TUT4: variants seen among roughly 807,000 people sequenced by gnomAD.
TUT4 encodes terminal uridylyltransferase 4.
In TUT4, 36 loss-of-function variants were observed where a neutral mutation model predicts 192.2. The ratio of observed to expected loss-of-function variants is 0.19; its 90% confidence interval spans 0.14 to 0.25. The LOEUF is 0.25. Ranked by LOEUF, TUT4 falls within the 10% of genes least tolerant of loss-of-function variation. The pLI, the probability that TUT4 is intolerant of heterozygous loss-of-function variation, is 1.00. For missense variants in TUT4, 1,493 were observed against 1,957.2 expected, an observed-to-expected ratio of 0.76 and a Z score of 4.47; for synonymous variants, 618 against 666.0, an observed-to-expected ratio of 0.93 and a Z score of 1.11.
At chr1:52,525,476 A>C (rs1428760483) in intron 2 of TUT4, 87 bp downstream of exon 2, 2 of 1,482,782 alleles carry the variant, frequency 1.3e-6, no homozygotes, top group African/African-American at 2.8e-5. Context: ...ATTATGTATA[A>C]ACATGACTTT....
chr1:52,452,777 G>A (rs1274417843), intron 20 of TUT4, among the ~76,000 whole-genome samples: 1 of 151,098 alleles, frequency 6.6e-6, no homozygotes, highest in Non-Finnish European at 1.5e-5. Flanking sequence ...GTAAATGGTT[G>A]AGTTCTGTGA....
chr1:52,465,429 T>C (rs1023445437), intron 15 of TUT4, among the ~76,000 whole-genome samples: 2 of 152,176 alleles, frequency 1.3e-5, no homozygotes, highest in Admixed American at 6.5e-5. Context: ...ACTATCAACT[T>C]TGCCCCAAAT....
chr1:52,481,342 T>C, intron 11 of TUT4, 81 bp downstream of exon 11: 1 of 1,455,602 alleles, frequency 6.9e-7, no homozygotes, highest in Non-Finnish European at 9.5e-7. Context: ...TCAGTCAATC[T>C]ACAATTAAAA....
chr1:52,519,076 G>T (rs552080432), intron 2 of TUT4, among the ~76,000 whole-genome samples: 35 of 151,918 alleles, frequency 2.3e-4, no homozygotes, highest in Non-Finnish European at 4.6e-4. Flanking sequence ...TTACACAAAT[G>T]TTCAGAACAG....
rs1011909675 is a variant in TUT4 at position 52,482,636 on chromosome 1, C to T, written c.1516-713G>A. Among the ~76,000 whole-genome samples the T allele has an allele frequency of 5.9e-5, 9 of 152,072 alleles. No homozygotes were observed. The East Asian group carries it at 1.3e-3, about 23-fold the overall frequency. On this transcript the variant is annotated intron_variant, in intron 9 of 29. Transcript: ENST00000257177. ...ACTATTTGTAGACAAATTTTACTTA[C>T]GTTGCCCAGGCTGGTCTCGAACCCT...
At chr1:52,502,544 CCTT>C (rs1238283018) in intron 4 of TUT4, among the ~76,000 whole-genome samples, 2 of 151,756 alleles carry the variant, frequency 1.3e-5, no homozygotes, top group Non-Finnish European at 2.9e-5. Context: ...GTAATAATCT[CCTT>C]CTCCTTAAAC....
chr1:52,431,572 T>C, intron 27 of TUT4, 112 bp from the exon 28 acceptor site: 3 of 818,808 alleles, frequency 3.7e-6, no homozygotes, highest in South Asian at 3.4e-5. Flanking sequence ...CTATGATGTA[T>C]ATCATAACAA....
At position 52,448,588 on chromosome 1, in the gene TUT4, C is replaced by CAAAAAA. The variant is rs1190767355; in HGVS notation, c.3436-1927_3436-1922dup. ...TGGGTGACTAAGCGAGATTCTGTCT[C>CAAAAAA]AAAAAAAAAAAAAAAAAAAAAAAAA... is the stretch of plus-strand genomic sequence containing the variant. On this transcript the variant is annotated intron_variant, in intron 20 of 29. Transcript: ENST00000257177. Among the ~76,000 whole-genome samples, 34 of 40,792 alleles carry CAAAAAA rather than the reference C, an allele frequency of 8.3e-4. 1 individual carries two copies. In the East Asian group the frequency reaches 0.017, roughly 20 times the overall value. The allele number at this position is 40,792 out of a possible 152,430, so 26.8% of individuals were successfully genotyped here. A position where few individuals can be genotyped will look rare whatever the true frequency, so the allele number is the denominator to read the frequency against.
chr1:52,542,758 T>C (rs202160629), intron 1 of TUT4, among the ~76,000 whole-genome samples: 2,820 of 145,488 alleles, frequency 0.019, 44 homozygotes, highest in South Asian at 0.042. Context: ...TTTTTATTTA[T>C]TTATTTATTT....
At chr1:52,511,472 C>T (rs924385473) in intron 3 of TUT4, among the ~76,000 whole-genome samples, 1 of 152,110 alleles carries the variant, frequency 6.6e-6, no homozygotes, top group African/African-American at 2.4e-5. Flanking sequence ...TATGAATTTA[C>T]GTTACAGTGT....
chr1:52,471,716 G>A (rs566147290), intron 14 of TUT4, among the ~76,000 whole-genome samples: 44 of 152,250 alleles, frequency 2.9e-4, no homozygotes, highest in African/African-American at 9.4e-4. Flanking sequence ...ATGTTAGACA[G>A]CTCATATCCA....
chr1:52,505,974 A>G (rs1675439439), intron 4 of TUT4, among the ~76,000 whole-genome samples: 1 of 151,764 alleles, frequency 6.6e-6, no homozygotes, highest in Non-Finnish European at 1.5e-5. Flanking sequence ...ATGAGCCACG[A>G]TGCCCAGCTA....
intron 4 of TUT4, among the ~76,000 whole-genome samples, chr1:52,497,840 C>T (rs1478215773): frequency 6.6e-6 from 1 of 152,108 alleles, no homozygotes; most frequent in South Asian, 2.1e-4. Flanking sequence ...ATTTCATATC[C>T]TACTATCTCC....
At chr1:52,439,358 A>G (rs1440381057) in intron 24 of TUT4, among the ~76,000 whole-genome samples, 2 of 152,238 alleles carry the variant, frequency 1.3e-5, no homozygotes, top group Non-Finnish European at 2.9e-5. Context: ...GAACAGACCT[A>G]AAGAAAAGGT....
intron 1 of TUT4, among the ~76,000 whole-genome samples, chr1:52,526,797 G>C (rs1025974927): frequency 1.3e-5 from 2 of 152,098 alleles, no homozygotes; most frequent in African/African-American, 4.8e-5. Flanking sequence ...GGTCAAGGTG[G>C]GTGGATCACC....
intron 1 of TUT4, among the ~76,000 whole-genome samples, chr1:52,534,775 A>T (rs1307625378): frequency 6.6e-6 from 1 of 152,082 alleles, no homozygotes; most frequent in African/African-American, 2.4e-5. Flanking sequence ...AGGTGGAAGA[A>T]TCACTTGAGC....
rs1415724320 is a variant in TUT4, at chr1:52,493,655, T to A, written c.1274A>T (p.His425Leu). 6.6e-7 allele frequency: 1 copy of A among 1,507,668 alleles called. No homozygotes were observed. The highest frequency in any genetic ancestry group is 2.1e-5 in the Admixed American group (1 of 47,090). The allele number at this position is 1,507,668 out of a possible 1,614,324, so 93.4% of individuals were successfully genotyped here. A position where few individuals can be genotyped will look rare whatever the true frequency, so the allele number is the denominator to read the frequency against. ...AAGTACTTTTATCAGAAGATCTGGA[T>A]GATTCATCTAAAAAAGTTTCAAAAA... The part of the protein sequence containing the change: ...IDIKFPPKMN[H>L]PDLLIKVLGI... Residue 425 changes from histidine to leucine, a missense_variant, in exon 7 of 30, where the codon CAT (histidine) becomes CTT (leucine). His to Leu is a moderately conservative substitution (Grantham distance 99). Around this residue, in one of 7 missense-constraint regions of TUT4, gnomAD observed 437 missense variants for 577.6 expected, o/e 0.76. Coordinates refer to ENST00000257177, the MANE Select transcript of TUT4 (RefSeq NM_001009881.3).
intron 20 of TUT4, among the ~76,000 whole-genome samples, chr1:52,448,588 C>CAAA (rs1190767355): frequency 3.4e-3 from 138 of 40,300 alleles, no homozygotes; most frequent in East Asian, 5.1e-3. Context: ...GATTCTGTCT[C>CAAA]AAAAAAAAAA....
chr1:52,472,228 T>TA (rs889251671), intron 13 of TUT4, 126 bp from the exon 14 acceptor site: 28,846 of 759,852 alleles, frequency 0.038, no homozygotes, highest in South Asian at 0.05. Flanking sequence ...AGGAGGTAAT[T>TA]AAAAAAAAAA....
Sources: gnomAD v4.1 joint callset for allele counts (sites outside exome capture counted in the v4.1 genomes callset) on GRCh38, gnomAD v4.1.1 for gene constraint, gnomAD v4.1.1 regional missense constraint, MANE v1.5 for transcripts, NCBI Gene and HGNC (gene_info 2026-07-23, HGNC 2026-07-21) for gene names.